Variants in UNC79 observed in about 807,000 individuals in gnomAD.
UNC79 encodes the protein unc-79 subunit of NALCN channel complex, also known as protein unc-79 homolog.
A neutral mutation model predicts 283.1 loss-of-function variants in UNC79; 37 were observed. That is an observed-to-expected ratio of 0.13 (90% CI 0.10 to 0.17). UNC79 has a LOEUF of 0.17. UNC79 is among the 10% of genes least tolerant of loss of function. UNC79 has a pLI of 1.00. For missense variants in UNC79, 2,272 were observed against 3,211.1 expected (o/e 0.71, Z 7.07); for synonymous variants, 1,107 against 1,200.2 (o/e 0.92, Z 1.61).
At chr14:93,410,723 T>G (rs2089096) in intron 1 of UNC79, among the ~76,000 whole-genome samples, 107,411 of 151,976 alleles carry the variant, frequency 0.71, 38,427 homozygotes, top group Middle Eastern at 0.78. Context: ...GGAACCTGCT[T>G]CCTTGAAGGG....
intron 1 of UNC79, among the ~76,000 whole-genome samples, chr14:93,432,371 C>T (rs1014727531): frequency 1.3e-5 from 2 of 152,122 alleles, no homozygotes; most frequent in African/African-American, 4.8e-5. Flanking sequence ...ACTGTTTGAC[C>T]TTGGGCAAGA....
chr14:93,676,805 A>G (rs1399704939), intron 41 of UNC79, among the ~76,000 whole-genome samples: 1 of 152,258 alleles, frequency 6.6e-6, no homozygotes, highest in Non-Finnish European at 1.5e-5. Context: ...AGTTAGGTGA[A>G]TAAATAACAA....
At chr14:93,333,228 C>G (rs1263428600) in exon 1 of UNC79, 2 of 367,558 alleles carry the variant, frequency 5.4e-6, no homozygotes, top group African/African-American at 2.3e-5. Context: ...TATTTTTGCT[C>G]GTCGGCTGGG....
intron 1 of UNC79, among the ~76,000 whole-genome samples, chr14:93,424,379 A>G (rs2055677410): frequency 6.6e-6 from 1 of 152,200 alleles, no homozygotes; most frequent in Non-Finnish European, 1.5e-5. Flanking sequence ...AAAGTAATGG[A>G]AAGCATTACA....
At chr14:93,418,469 A>T (rs1347319543) in intron 1 of UNC79, among the ~76,000 whole-genome samples, 1 of 150,362 alleles carries the variant, frequency 6.7e-6, no homozygotes, top group African/African-American at 2.5e-5. Context: ...GGGGGTCAGG[A>T]GTCAGGGACC....
intron 26 of UNC79, 77 bp from the exon 28 acceptor site, chr14:93,612,720 T>C (rs1253044698): frequency 6.5e-7 from 1 of 1,533,246 alleles, no homozygotes; most frequent in Non-Finnish European, 8.8e-7. Flanking sequence ...GGGTGCCTTA[T>C]CAATATCTAA....
At chr14:93,454,472 T>C (rs1041028667) in intron 1 of UNC79, among the ~76,000 whole-genome samples, 5 of 152,080 alleles carry the variant, frequency 3.3e-5, no homozygotes, top group Admixed American at 6.5e-5. Context: ...AAATGTGCAG[T>C]GGGGGTCACA....
At chr14:93,591,169 A>T (rs1490848951) in intron 22 of UNC79, among the ~76,000 whole-genome samples, 1 of 152,154 alleles carries the variant, frequency 6.6e-6, no homozygotes, top group African/African-American at 2.4e-5. Context: ...CTATAGCTCT[A>T]GTATGCCTTC....
At chr14:93,679,728 AT>A (rs1165458698) in intron 41 of UNC79, among the ~76,000 whole-genome samples, 1 of 152,142 alleles carries the variant, frequency 6.6e-6, no homozygotes, top group South Asian at 2.1e-4. Context: ...TATTTTGGGT[AT>A]CATTTTGATA....
At chr14:93,398,965 T>G (rs554323652) in intron 1 of UNC79, among the ~76,000 whole-genome samples, 38 of 152,300 alleles carry the variant, frequency 2.5e-4, no homozygotes, top group African/African-American at 7.2e-4. Flanking sequence ...CTGTGTAATT[T>G]ATAAACAAAG....
chr14:93,474,491 A>G lies in UNC79; in HGVS notation c.448+98A>G. The G allele has an allele frequency of 5.1e-6, 7 of 1,360,450 alleles. No individual in the cohort carries two copies. The South Asian group carries it at 8.7e-5, about 17-fold the overall frequency. 84.3% of individuals were successfully genotyped at this position (1,360,450 alleles called of 1,614,324 possible). On this transcript the variant is annotated intron_variant, in intron 3 of 48. Transcript: ENST00000555664. The surrounding 1 kb of genome is among the most constrained non-coding windows in gnomAD (Gnocchi z 4.1). Reference sequence around the variant, plus strand: ...TTGGAGATGGTCACTGTTGTAATCAATCACCTGAAAGGGCTTTGTGTGGCT... The same window carrying G: ...TTGGAGATGGTCACTGTTGTAATCAGTCACCTGAAAGGGCTTTGTGTGGCT...
intron 1 of UNC79, among the ~76,000 whole-genome samples, chr14:93,374,996 G>A (rs2054525992): frequency 6.6e-6 from 1 of 152,076 alleles, no homozygotes; most frequent in Non-Finnish European, 1.5e-5. Flanking sequence ...AAGGACATGA[G>A]TTTTGGGGGG....
chr14:93,651,324 G>T lies in UNC79; in HGVS notation c.6084-2418G>T, dbSNP rs200352477. ...TAAGCTTGTCATTCTTATCAAAAAAGTCTGCTGGGCTTGTATTGAAAGAAC... is the reference window on the plus strand; with the variant it reads ...TAAGCTTGTCATTCTTATCAAAAAATTCTGCTGGGCTTGTATTGAAAGAAC... On this transcript the variant is annotated intron_variant, in intron 35 of 48. Coordinates refer to ENST00000555664, the Ensembl canonical transcript of UNC79. Among the ~76,000 whole-genome samples the T allele has an allele frequency of 3.9e-5, 6 of 152,250 alleles. No individual in the cohort carries two copies. The East Asian group carries it at 1.2e-3, about 29-fold the overall frequency.
At chr14:93,628,126 C>T (rs189774862) in intron 30 of UNC79, among the ~76,000 whole-genome samples, 17 of 152,302 alleles carry the variant, frequency 1.1e-4, no homozygotes, top group African/African-American at 4.1e-4. Context: ...TTACACCATT[C>T]CCCTGCTTAA....
chr14:93,597,904 A>G (rs1319414421), intron 24 of UNC79, among the ~76,000 whole-genome samples: 1 of 152,182 alleles, frequency 6.6e-6, no homozygotes, highest in Non-Finnish European at 1.5e-5. Context: ...TCAGACCATA[A>G]CATCACATAT....
intron 33 of UNC79, among the ~76,000 whole-genome samples, chr14:93,643,229 A>G (rs1049573971): frequency 7.9e-5 from 12 of 152,230 alleles, no homozygotes; most frequent in African/African-American, 2.9e-4. Flanking sequence ...AAATGCATCA[A>G]ATCCTTCATC....
intron 14 of UNC79, among the ~76,000 whole-genome samples, chr14:93,551,758 TG>T (rs915002667): frequency 1.3e-5 from 2 of 152,228 alleles, no homozygotes; most frequent in African/African-American, 4.8e-5. Flanking sequence ...AATGCTCTAG[TG>T]GGTGTGAGCT....
chr14:93,477,754 G>C, intron 4 of UNC79, 26 bp downstream of exon 4: 1 of 1,588,714 alleles, frequency 6.3e-7, no homozygotes, highest in Non-Finnish European at 8.6e-7. Flanking sequence ...CCTAATACTA[G>C]ATTATTTTTA....
At chr14:93,516,454 G>GC (rs2060062821) in intron 7 of UNC79, among the ~76,000 whole-genome samples, 2 of 122,060 alleles carry the variant, frequency 1.6e-5, no homozygotes, top group Non-Finnish European at 3.4e-5. Flanking sequence ...TTTTTTTGGG[G>GC]GGGGGGGTGG....
Sources: gnomAD v4.1 joint callset for allele counts (sites outside exome capture counted in the v4.1 genomes callset) on GRCh38, gnomAD v4.1.1 for gene constraint, Gnocchi (gnomAD v3.1) non-coding constraint, MANE v1.5 for transcripts, NCBI Gene and HGNC (gene_info 2026-07-23, HGNC 2026-07-21) for gene names.